UNC13B: variants seen among roughly 807,000 people sequenced by gnomAD.
UNC13B encodes the protein unc-13 homolog B.
A neutral mutation model predicts 211.0 loss-of-function variants in UNC13B; 144 were observed. That is an observed-to-expected ratio of 0.68 (90% CI 0.60 to 0.78). The LOEUF is 0.78. Ranked by LOEUF, UNC13B falls within the 30% of genes least tolerant of loss-of-function variation. The probability of loss-of-function intolerance (pLI) is 0.00; values close to 1 mark genes in which losing one functional copy is unlikely to be tolerated. For synonymous variants in UNC13B, 709 were observed against 725.8 expected, an observed-to-expected ratio of 0.98 and a Z score of 0.37; for missense variants, 1,777 against 2,002.0, an observed-to-expected ratio of 0.89 and a Z score of 2.14.
chr9:35,311,597 T>C (rs117481958), intron 10 of UNC13B, among the ~76,000 whole-genome samples: 2,202 of 152,286 alleles, frequency 0.014, 30 homozygotes, highest in Non-Finnish European at 0.023. Flanking sequence ...TGGTATGGGC[T>C]AGAGGATCAG....
intron 1 of UNC13B, among the ~76,000 whole-genome samples, chr9:35,203,190 C>T (rs150259773): frequency 7.2e-4 from 109 of 152,260 alleles, no homozygotes; most frequent in African/African-American, 2.5e-3. Flanking sequence ...TGAATTTGGT[C>T]CTGTCATTAT....
At chr9:35,240,656 T>C (rs1825756235) in intron 5 of UNC13B, among the ~76,000 whole-genome samples, 1 of 152,180 alleles carries the variant, frequency 6.6e-6, no homozygotes, top group African/African-American at 2.4e-5. Context: ...AAATCGTTGT[T>C]TTTTTAATGT....
At chr9:35,398,532 G>A in intron 31 of UNC13B, 22 bp from the exon 32 acceptor site, 1 of 1,612,812 alleles carries the variant, frequency 6.2e-7, no homozygotes, top group Non-Finnish European at 8.5e-7. Context: ...AGCCTAGCCA[G>A]GCTTACCTCC....
intron 1 of UNC13B, among the ~76,000 whole-genome samples, chr9:35,167,234 T>G (rs1346432675): frequency 1.3e-5 from 2 of 151,984 alleles, no homozygotes; most frequent in Non-Finnish European, 2.9e-5. Flanking sequence ...TCACCACGCC[T>G]GGCTAATTTT....
chr9:35,256,630 A>G (rs1826894577), intron 6 of UNC13B, among the ~76,000 whole-genome samples: 1 of 152,184 alleles, frequency 6.6e-6, no homozygotes, highest in Non-Finnish European at 1.5e-5. Context: ...GGTGAATTAT[A>G]TGAGTAGATT....
chr9:35,248,303 C>G (rs1826227515), intron 6 of UNC13B, among the ~76,000 whole-genome samples: 1 of 152,076 alleles, frequency 6.6e-6, no homozygotes, highest in African/African-American at 2.4e-5. Context: ...TTCAAAAAAC[C>G]AGCTCCTGGA....
At chr9:35,257,823 A>G (rs1171792963) in intron 6 of UNC13B, among the ~76,000 whole-genome samples, 1 of 152,104 alleles carries the variant, frequency 6.6e-6, no homozygotes, top group Non-Finnish European at 1.5e-5. Context: ...TTCACCACTG[A>G]TACTCATAAG....
intron 1 of UNC13B, among the ~76,000 whole-genome samples, chr9:35,194,171 A>G (rs1335693752): frequency 6.6e-6 from 1 of 152,220 alleles, no homozygotes; most frequent in Non-Finnish European, 1.5e-5. Context: ...TTCTGTTTCT[A>G]GAAAATCTCA....
rs760573300 is a variant in UNC13B, at chr9:35,403,528, TAAG to T, written c.12671_12673del (p.Lys4224del). 14 of 1,612,848 alleles carry T rather than the reference TAAG, an allele frequency of 8.7e-6. No homozygotes were observed. In the Admixed American group the frequency reaches 1.2e-4, roughly 13 times the overall value. ...CTATGGTTGGCCCACACCAAAGTGA[TAAG>T]AAGAGGAAGTTCACAACCAAATCCA... is the stretch of plus-strand genomic sequence containing the variant. On this transcript the variant is annotated inframe_deletion, in exon 39 of 40. Transcript: ENST00000635942.
intron 7 of UNC13B, among the ~76,000 whole-genome samples, chr9:35,259,805 G>GGGT (rs551849946): frequency 0.06 from 7,155 of 119,974 alleles, 579 homozygotes; most frequent in Admixed American, 0.09. Flanking sequence ...GCGGGGGGGG[G>GGGT]GGATTTTGAT....
At chr9:35,259,202 A>G (rs1827113429) in intron 7 of UNC13B, 152 bp downstream of exon 7, 1 of 767,098 alleles carries the variant, frequency 1.3e-6, no homozygotes, top group Non-Finnish European at 2.1e-6. Context: ...CCTTTCTCTG[A>G]TGGCTGTCTA....
At chr9:35,239,674 C>G (rs1335183314) in intron 5 of UNC13B, among the ~76,000 whole-genome samples, 1 of 152,162 alleles carries the variant, frequency 6.6e-6, no homozygotes, top group African/African-American at 2.4e-5. Context: ...CATCCCTTAT[C>G]TACAACCGTA....
intron 1 of UNC13B, among the ~76,000 whole-genome samples, chr9:35,171,156 C>T (rs1309812812): frequency 6.6e-6 from 1 of 150,842 alleles, no homozygotes; most frequent in Non-Finnish European, 1.5e-5. Context: ...GGCTGGAATG[C>T]AGTGGCTCAA....
chr9:35,335,211 C>T (rs1831586200), intron 11 of UNC13B, among the ~76,000 whole-genome samples: 1 of 152,144 alleles, frequency 6.6e-6, no homozygotes, highest in Non-Finnish European at 1.5e-5. Context: ...CCAGAGAATA[C>T]TAAGTTAGCA....
chr9:35,181,395 A>T (rs1274591042), intron 1 of UNC13B, among the ~76,000 whole-genome samples: 2 of 152,200 alleles, frequency 1.3e-5, no homozygotes, highest in African/African-American at 4.8e-5. Context: ...TGTTTTATTG[A>T]CATATAGTAA....
At chr9:35,367,118 C>T (rs1314395131) in intron 12 of UNC13B, 125 bp downstream of exon 12, 2 of 964,432 alleles carry the variant, frequency 2.1e-6, no homozygotes, top group Non-Finnish European at 1.6e-6. Flanking sequence ...AAAGGTTCCA[C>T]TATAGGTTGG....
intron 11 of UNC13B, among the ~76,000 whole-genome samples, chr9:35,356,913 T>G (rs1388477377): frequency 2.0e-5 from 3 of 152,268 alleles, no homozygotes; most frequent in Non-Finnish European, 4.4e-5. Context: ...TGCTGTAGCA[T>G]GTATCAGTAC....
chr9:35,289,059 C>T (rs1828950233), intron 7 of UNC13B, among the ~76,000 whole-genome samples: 1 of 151,286 alleles, frequency 6.6e-6, no homozygotes, highest in Non-Finnish European at 1.5e-5. Flanking sequence ...TAAATTATTA[C>T]AATTTTAAAA....
chr9:35,162,240 C>A lies in UNC13B; in HGVS notation c.-44C>A. 1 of 1,542,212 alleles carries A rather than the reference C, an allele frequency of 6.5e-7. No homozygotes were observed. Among genetic ancestry groups the A allele is most frequent in the South Asian group, 1.2e-5 (1 of 84,044 alleles). ...CTGCTGAGAGGAAAGAGGGAGCGGT[C>A]CGGCGCGGCTGGGGCGCGGCAGAGG... On this transcript the variant is annotated 5_prime_UTR_variant, in exon 1 of 40. Coordinates refer to ENST00000635942, the MANE Select transcript of UNC13B (RefSeq NM_001371189.2).
Sources: gnomAD v4.1 joint callset for allele counts (sites outside exome capture counted in the v4.1 genomes callset) on GRCh38, gnomAD v4.1.1 for gene constraint, MANE v1.5 for transcripts, NCBI Gene and HGNC (gene_info 2026-07-23, HGNC 2026-07-21) for gene names.